The following KIAA1549L variants were observed in gnomAD, a reference collection of about 807,000 sequenced individuals.
KIAA1549L encodes the protein UPF0606 protein KIAA1549L.
KIAA1549L carries 88 observed loss-of-function variants against 160.7 expected under a neutral mutation model. The observed-to-expected ratio is 0.55, with a 90% CI of 0.46 to 0.65. The LOEUF (loss-of-function observed/expected upper bound fraction) is 0.65. Ranked by LOEUF, KIAA1549L falls within the 30% of genes least tolerant of loss-of-function variation. The probability of loss-of-function intolerance (pLI) is 0.00; values close to 1 mark genes in which losing one functional copy is unlikely to be tolerated. For missense variants in KIAA1549L, 2,258 were observed against 2,437.5 expected, an observed-to-expected ratio of 0.93 and a Z score of 1.55; for synonymous variants, 950 against 976.7, an observed-to-expected ratio of 0.97 and a Z score of 0.51.
rs572015066 is a variant in KIAA1549L at position 33,469,085 on chromosome 11, A to G, written c.239-72717A>G. Among the ~76,000 whole-genome samples, 307 of 152,282 alleles carry G rather than the reference A, an allele frequency of 2.0e-3. 1 individual carries two copies. The highest frequency in any genetic ancestry group is 7.2e-3 in the African/African-American group (299 of 41,540). On this transcript the variant is annotated intron_variant, in intron 1 of 20. Transcript: ENST00000658780. ...TAAATTCACCTGTTTAAAGTGTACA[A>G]TTCAGTGGTTTTTAGTGTATGTGCA...
At chr11:33,510,396 A>C (rs925172688) in intron 1 of KIAA1549L, among the ~76,000 whole-genome samples, 5 of 152,182 alleles carry the variant, frequency 3.3e-5, no homozygotes, top group Admixed American at 6.5e-5. Context: ...CATGTTGGCC[A>C]GGCTGGTCTT....
intron 1 of KIAA1549L, among the ~76,000 whole-genome samples, chr11:33,473,346 AC>A (rs2133031678): frequency 6.6e-6 from 1 of 152,228 alleles, no homozygotes; most frequent in African/African-American, 2.4e-5. Flanking sequence ...CTGAAGAAGC[AC>A]CTAGGAGGGG....
chr11:33,389,214 C>T (rs972697147), intron 1 of KIAA1549L, among the ~76,000 whole-genome samples: 2 of 152,168 alleles, frequency 1.3e-5, no homozygotes, highest in African/African-American at 4.8e-5. Flanking sequence ...ACTCCCAGAC[C>T]TGTCTGCCTA....
At chr11:33,526,542 C>G (rs1853616275) in intron 1 of KIAA1549L, among the ~76,000 whole-genome samples, 1 of 152,156 alleles carries the variant, frequency 6.6e-6, no homozygotes, top group Admixed American at 6.5e-5. Flanking sequence ...GTCTGGTAGC[C>G]CCGCTGGGTG....
intron 1 of KIAA1549L, among the ~76,000 whole-genome samples, chr11:33,478,147 C>G (rs1852329066): frequency 6.6e-6 from 1 of 152,242 alleles, no homozygotes. Context: ...ACATTAAAAT[C>G]ATTGTCTTCT....
At chr11:33,424,790 T>A (rs1203576692) in intron 1 of KIAA1549L, among the ~76,000 whole-genome samples, 1 of 152,194 alleles carries the variant, frequency 6.6e-6, no homozygotes, top group African/African-American at 2.4e-5. Flanking sequence ...AGTATTGAAA[T>A]ATACTCCTCT....
chr11:33,636,051 GC>G (rs1410769761), intron 16 of KIAA1549L, among the ~76,000 whole-genome samples: 1 of 152,162 alleles, frequency 6.6e-6, no homozygotes, highest in Non-Finnish European at 1.5e-5. Flanking sequence ...CATGAATCTT[GC>G]CTTTGTCCAG....
chr11:33,577,592 C>T (rs76998325), intron 10 of KIAA1549L, among the ~76,000 whole-genome samples: 95 of 152,192 alleles, frequency 6.2e-4, no homozygotes, highest in African/African-American at 2.2e-3. Context: ...AGCTTGCGGA[C>T]GCTGTCTCCG....
intron 1 of KIAA1549L, among the ~76,000 whole-genome samples, chr11:33,478,460 T>A (rs760079420): frequency 2.0e-5 from 3 of 152,238 alleles, no homozygotes; most frequent in South Asian, 4.1e-4. Flanking sequence ...AGAGCTGTTA[T>A]AACCACATGG....
At chr11:33,552,328 A>G (rs1408008923) in intron 6 of KIAA1549L, 87 bp downstream of exon 6, 9 of 1,394,898 alleles carry the variant, frequency 6.5e-6, no homozygotes, top group African/African-American at 4.3e-5. Flanking sequence ...CTTCCCTTTC[A>G]GAGCTACCAT....
At chr11:33,639,794 C>T (rs1482820301) in intron 16 of KIAA1549L, among the ~76,000 whole-genome samples, 1 of 152,206 alleles carries the variant, frequency 6.6e-6, no homozygotes, top group Non-Finnish European at 1.5e-5. Flanking sequence ...CCCGCCTTGG[C>T]CTCCCAAAGT....
At chr11:33,666,017 A>AG (rs1460426122) in intron 20 of KIAA1549L, among the ~76,000 whole-genome samples, 1 of 152,052 alleles carries the variant, frequency 6.6e-6, no homozygotes, top group Non-Finnish European at 1.5e-5. Context: ...TGCTCCGTGG[A>AG]GGGGGAAGGC....
At chr11:33,462,570 G>T (rs1044899387) in intron 1 of KIAA1549L, among the ~76,000 whole-genome samples, 1 of 152,022 alleles carries the variant, frequency 6.6e-6, no homozygotes, top group African/African-American at 2.4e-5. Flanking sequence ...TGTCACTGCC[G>T]GGAAGCTTGG....
At chr11:33,649,804 A>C (rs1329955491) in intron 17 of KIAA1549L, among the ~76,000 whole-genome samples, 2 of 147,984 alleles carry the variant, frequency 1.4e-5, no homozygotes, top group Non-Finnish European at 3.0e-5. Context: ...AAGTTGGAGA[A>C]TTGCTTGAGC....
chr11:33,561,771 TG>T, intron 8 of KIAA1549L, 36 bp downstream of exon 8: 2 of 1,414,000 alleles, frequency 1.4e-6, no homozygotes, highest in Non-Finnish European at 2.0e-6. Context: ...CTCTTCATGC[TG>T]TCAGATTGAT....
intron 14 of KIAA1549L, 114 bp downstream of exon 14, chr11:33,606,936 C>G (rs1850523194): frequency 2.5e-6 from 2 of 815,102 alleles, no homozygotes; most frequent in Non-Finnish European, 3.8e-6. Flanking sequence ...CCGTATAGGT[C>G]ATTTTTACCT....
At chr11:33,650,647 G>A (rs760288009) in intron 17 of KIAA1549L, among the ~76,000 whole-genome samples, 3 of 152,048 alleles carry the variant, frequency 2.0e-5, no homozygotes, top group Non-Finnish European at 2.9e-5. Flanking sequence ...TCAACACGCC[G>A]TCACCAGATT....
intron 10 of KIAA1549L, among the ~76,000 whole-genome samples, chr11:33,582,275 A>G (rs1427106604): frequency 1.3e-5 from 2 of 152,170 alleles, no homozygotes; most frequent in Non-Finnish European, 2.9e-5. Flanking sequence ...ATCTTGGCTA[A>G]TGAGGAACCA....
At chr11:33,478,271 C>CAG (rs60232276) in intron 1 of KIAA1549L, among the ~76,000 whole-genome samples, 151,898 of 152,372 alleles carry the variant, frequency 1, 75,712 homozygotes, top group Middle Eastern at 1. Context: ...ACAGAACTCA[C>CAG]AGAGGCAAGT....
Sources: allele counts gnomAD v4.1 joint callset (sites outside exome capture counted in the v4.1 genomes callset), GRCh38; gene constraint gnomAD v4.1.1; transcripts MANE v1.5; gene names NCBI Gene and HGNC (gene_info 2026-07-23, HGNC 2026-07-21).